CAMK2A: variants seen among roughly 807,000 people sequenced by gnomAD.
CAMK2A encodes calcium/calmodulin dependent protein kinase II alpha, also known as calcium/calmodulin-dependent protein kinase type II subunit alpha.
In CAMK2A, 7 loss-of-function variants were observed where a neutral mutation model predicts 79.2. That is an observed-to-expected ratio of 0.09 (90% CI 0.05 to 0.17). The LOEUF is 0.17. Among genes scored for constraint, CAMK2A ranks in the 10% least tolerant of loss-of-function variants. CAMK2A has a pLI of 1.00. For missense variants in CAMK2A, 214 were observed against 646.4 expected (o/e 0.33, Z 7.25); for synonymous variants, 242 against 251.7 (o/e 0.96, Z 0.36).
At chr5:150,233,802 T>A (rs1754946877) in intron 15 of CAMK2A, among the ~76,000 whole-genome samples, 1 of 152,010 alleles carries the variant, frequency 6.6e-6, no homozygotes, top group African/African-American at 2.4e-5. Context: ...TGTGTTTTTG[T>A]TTGTTTGTTT....
intron 1 of CAMK2A, among the ~76,000 whole-genome samples, chr5:150,285,137 T>C (rs1168250057): frequency 6.6e-6 from 1 of 152,110 alleles, no homozygotes; most frequent in Non-Finnish European, 1.5e-5. Flanking sequence ...AGAGGGAGGA[T>C]GTTCCCCAGA....
At chr5:150,259,207 GATAAAATAAA>G (rs777315449) in intron 3 of CAMK2A, among the ~76,000 whole-genome samples, 10 of 151,168 alleles carry the variant, frequency 6.6e-5, no homozygotes, top group African/African-American at 1.5e-4. Context: ...AATAAAATAA[GATAAAATAAA>G]ATAAAATAAA....
chr5:150,248,377 G>C (rs1393931074), intron 11 of CAMK2A, among the ~76,000 whole-genome samples: 1 of 148,836 alleles, frequency 6.7e-6, no homozygotes, highest in East Asian at 2.0e-4. Context: ...GGGTACATGT[G>C]CACAACGTGC....
intron 15 of CAMK2A, among the ~76,000 whole-genome samples, chr5:150,237,988 A>AT (rs1173151976): frequency 2.0e-5 from 3 of 152,018 alleles, no homozygotes. Context: ...AGCTTTCTGG[A>AT]TTTTTGCTCT....
chr5:150,254,814 T>A (rs1562169799), intron 6 of CAMK2A, among the ~76,000 whole-genome samples: 1 of 152,218 alleles, frequency 6.6e-6, no homozygotes, highest in Non-Finnish European at 1.5e-5. Flanking sequence ...ATGGATTAAC[T>A]GAGATAATCT....
rs761828003 is a variant in CAMK2A at position 150,223,108 on chromosome 5, C to T, written c.1347G>A (p.Leu449=). ...CGGTGCGTGGGATGCCGCCAGCGTCCAGGTACTGCGTGATGCGGATGTAGG... is the reference window on the plus strand; with the variant it reads ...CGGTGCGTGGGATGCCGCCAGCGTCTAGGTACTGCGTGATGCGGATGTAGG... ...CIAYIRITQY[L]DAGGIPRTAQ... Residue 449 remains leucine (L), a synonymous_variant, in exon 18 of 19, where the codon CTG becomes CTA. Transcript: ENST00000671881. This position sits in a 1 kb window ranked among gnomAD's most constrained non-coding sequence, Gnocchi z 4.1. 1 of 1,614,170 alleles carries T rather than the reference C, an allele frequency of 6.2e-7. No individual in the cohort carries two copies. The highest frequency in any genetic ancestry group is 8.5e-7 in the Non-Finnish European group (1 of 1,180,032).
At position 150,223,279 on chromosome 5, in the gene CAMK2A, TCACTTTCTC is replaced by T; in HGVS notation, c.1238-71_1238-63del. On this transcript the variant is annotated intron_variant, in intron 17 of 18. Transcript: ENST00000671881. This position sits in a 1 kb window ranked among gnomAD's most constrained non-coding sequence, Gnocchi z 4.1. ...CCGGGGGCCTCCTGTCTCACTTTCT[TCACTTTCTC>T]CACTCCCAGCAGCCCTCTCAATGGA... 7.3e-7 allele frequency: 1 copy of T among 1,365,362 alleles called. No homozygotes were observed. Among genetic ancestry groups the T allele is most frequent in the African/African-American group, 1.4e-5 (1 of 70,416 alleles). The allele number at this position is 1,365,362 out of a possible 1,614,324, so 84.6% of individuals were successfully genotyped here. A position where few individuals can be genotyped will look rare whatever the true frequency, so the allele number is the denominator to read the frequency against.
intron 15 of CAMK2A, among the ~76,000 whole-genome samples, chr5:150,234,300 A>G (rs943701910): frequency 4.6e-5 from 7 of 152,172 alleles, no homozygotes; most frequent in Middle Eastern, 3.2e-3. Flanking sequence ...TCTCCCTGCC[A>G]TCTCAGAGAG....
At position 150,221,179 on chromosome 5, in the gene CAMK2A, G is replaced by T. The variant is rs529658277; in HGVS notation, c.*1531C>A. On this transcript the variant is annotated 3_prime_UTR_variant, in exon 19 of 19. Transcript: ENST00000671881. ...TTTTGTTGAGTGTTTTCTTCTTTTT[G>T]TTTGTTTTCAACATACTTACTGCGT... The T allele has an allele frequency of 5.7e-6, 2 of 351,930 alleles. No individual in the cohort carries two copies. The highest frequency in any genetic ancestry group is 3.1e-4 in the South Asian group (2 of 6,548). The allele number at this position is 351,930 out of a possible 1,614,324, so 21.8% of individuals were successfully genotyped here.
At chr5:150,235,193 A>C (rs1755008873) in intron 15 of CAMK2A, among the ~76,000 whole-genome samples, 1 of 152,226 alleles carries the variant, frequency 6.6e-6, no homozygotes, top group South Asian at 2.1e-4. Flanking sequence ...GTCTCCAGCT[A>C]CTTGGGACAC....
At chr5:150,261,506 T>C (rs146431613) in intron 3 of CAMK2A, among the ~76,000 whole-genome samples, 1,907 of 152,334 alleles carry the variant, frequency 0.013, 47 homozygotes, top group African/African-American at 0.044. Context: ...CTGTTTAAAA[T>C]ATTGTCATAG....
At chr5:150,263,604 C>T (rs1403315672) in intron 3 of CAMK2A, among the ~76,000 whole-genome samples, 6 of 152,088 alleles carry the variant, frequency 3.9e-5, no homozygotes, top group Non-Finnish European at 5.9e-5. Context: ...CACTCACACG[C>T]ACACATTCGC....
At chr5:150,250,100 A>T in intron 11 of CAMK2A, 126 bp downstream of exon 11, 1 of 698,094 alleles carries the variant, frequency 1.4e-6, no homozygotes, top group Non-Finnish European at 2.5e-6. Context: ...AGTATGCAGT[A>T]GGTGTTCAAT....
intron 9 of CAMK2A, 46 bp downstream of exon 9, chr5:150,251,704 A>G: frequency 7.0e-7 from 1 of 1,419,076 alleles, no homozygotes; most frequent in Non-Finnish European, 9.6e-7. Context: ...TTTCACTGGA[A>G]GGGCACCAGA....
rs144425612 is a variant in CAMK2A at position 150,286,751 on chromosome 5, G to A, written c.62+2813C>T. ...CCCACAGAAGAGGCCAGCCAGGGGG[G>A]AAGCACGGTTTGGTCAACCTCCTCC... is the stretch of plus-strand genomic sequence containing the variant. On this transcript the variant is annotated intron_variant, in intron 1 of 18. Transcript: ENST00000671881. Among the ~76,000 whole-genome samples the A allele has an allele frequency of 7.9e-3, 1,198 of 152,296 alleles. 14 individuals are homozygous for A. The highest frequency in any genetic ancestry group is 0.017 in the Middle Eastern group (5 of 294).
chr5:150,289,114 C>T (rs1425916271), intron 1 of CAMK2A, among the ~76,000 whole-genome samples: 2 of 152,184 alleles, frequency 1.3e-5, no homozygotes, highest in Non-Finnish European at 2.9e-5. Flanking sequence ...GGAAGAACTA[C>T]CGGGAGCTGG....
intron 17 of CAMK2A, among the ~76,000 whole-genome samples, chr5:150,224,638 G>A (rs997614844): frequency 3.9e-5 from 6 of 152,224 alleles, no homozygotes; most frequent in African/African-American, 1.4e-4. Flanking sequence ...CATACAGAAT[G>A]TAGGGTTTCA....
chr5:150,239,411 C>T (rs531852601), intron 14 of CAMK2A, among the ~76,000 whole-genome samples: 6 of 152,274 alleles, frequency 3.9e-5, no homozygotes, highest in South Asian at 2.1e-4. Flanking sequence ...CAGGGAGAAG[C>T]GAGAAGCCAA....
At position 150,238,693 on chromosome 5, in the gene CAMK2A, TC is replaced by T; in HGVS notation, c.1066+6del. Reference sequence around the variant, plus strand: ...AAGGGGTCCCGACACTGAAGGCCCCTCCCTACCTTTGGTGTCTTCATCCTCG... The same window carrying T: ...AAGGGGTCCCGACACTGAAGGCCCCTCCTACCTTTGGTGTCTTCATCCTCG... On this transcript the variant is annotated splice_donor_region_variant and intron_variant, in intron 15 of 18. Transcript: ENST00000671881. The T allele has an allele frequency of 6.2e-7, 1 of 1,603,320 alleles. No homozygotes were observed. Among genetic ancestry groups the T allele is most frequent in the Non-Finnish European group, 8.5e-7 (1 of 1,173,732 alleles).
Sources: allele counts gnomAD v4.1 joint callset (sites outside exome capture counted in the v4.1 genomes callset), GRCh38; gene constraint gnomAD v4.1.1; non-coding constraint Gnocchi (gnomAD v3.1); transcripts MANE v1.5; gene names NCBI Gene and HGNC (gene_info 2026-07-23, HGNC 2026-07-21).